Variants in ZNF346 observed in about 807,000 individuals in gnomAD.
ZNF346 encodes the protein zinc finger protein 346, also known as double-stranded RNA-binding zinc finger protein JAZ.
A neutral mutation model predicts 33.7 loss-of-function variants in ZNF346; 23 were observed. The ratio of observed to expected loss-of-function variants is 0.68; its 90% CI spans 0.49 to 0.97. The LOEUF (loss-of-function observed/expected upper bound fraction) is 0.97. Among genes scored for constraint, ZNF346 ranks in the 50% least tolerant of loss-of-function variants. The probability of loss-of-function intolerance (pLI) is 0.00; values close to 1 mark genes in which losing one functional copy is unlikely to be tolerated. For missense variants in ZNF346, 340 were observed against 371.1 expected (o/e 0.92, Z 0.69); for synonymous variants, 134 against 142.4 (o/e 0.94, Z 0.42).
chr5:177,028,707 CTTTT>C (rs56172509), intron 1 of ZNF346, among the ~76,000 whole-genome samples: 18 of 67,398 alleles, frequency 2.7e-4, no homozygotes, highest in South Asian at 1.2e-3. Context: ...AAGCCCCTTT[CTTTT>C]TTTTTTTTTT....
At chr5:177,036,961 A>G (rs990867622) in intron 1 of ZNF346, among the ~76,000 whole-genome samples, 4 of 151,050 alleles carry the variant, frequency 2.6e-5, no homozygotes, top group African/African-American at 9.7e-5. Context: ...GTTTTTCCCC[A>G]TCTGGGGAAA....
chr5:177,039,497 T>C (rs1035390305), intron 1 of ZNF346, among the ~76,000 whole-genome samples: 2 of 151,770 alleles, frequency 1.3e-5, no homozygotes, highest in African/African-American at 4.8e-5. Context: ...TTATCCAGGC[T>C]GGAGTACAGT....
chr5:177,048,071 A>C (rs1052464050), intron 4 of ZNF346, among the ~76,000 whole-genome samples: 5 of 152,104 alleles, frequency 3.3e-5, no homozygotes, highest in Non-Finnish European at 7.4e-5. Context: ...CTGAACATTT[A>C]ATCTCCCCAC....
chr5:177,022,905 G>GA lies in ZNF346; in HGVS notation c.168dup (p.Glu57ArgfsTer20). 1 of 1,483,186 alleles carries GA rather than the reference G, an allele frequency of 6.7e-7. No homozygotes were observed. Among genetic ancestry groups the GA allele is most frequent in the Non-Finnish European group, 9.0e-7 (1 of 1,116,560 alleles). The allele number at this position is 1,483,186 out of a possible 1,614,324, so 91.9% of individuals were successfully genotyped here. ...GTGTCCGGTGCCCAGCCGGTGGGTA[G>GA]AGAGGAAGGTGAGTCGGGGGCTTTG... On this transcript the variant is annotated frameshift_variant, in exon 1 of 7. Transcript: ENST00000358149. LOFTEE classifies it high-confidence loss of function.
In ZNF346 at chr5:177,050,914, C is replaced by T. The variant is rs543286468; in HGVS notation, c.681C>T (p.Asp227=). 7.1e-5 allele frequency: 114 copies of T among 1,614,128 alleles called. No homozygotes were observed. The highest frequency in any genetic ancestry group is 9.5e-5 in the Non-Finnish European group (112 of 1,180,006). The change falls in exon 5 of 7, where the codon GAC becomes GAT. Residue 227 remains aspartate, a synonymous_variant. Transcript: ENST00000358149. ...KLMARYGRLA[D]PAVTDFPAGK... ...TGGCACGCTATGGGCGGCTGGCGGA[C>T]CCTGCTGTCACTGACTTTCCAGGTG...
rs530285798 is a variant in ZNF346, at chr5:177,032,850, G to A, written c.176-8276G>A. Among the ~76,000 whole-genome samples the A allele has an allele frequency of 2.8e-3, 428 of 152,282 alleles. 6 individuals are homozygous for A. The highest frequency in any genetic ancestry group is 3.4e-3 in the Non-Finnish European group (232 of 68,028). On this transcript the variant is annotated intron_variant, in intron 1 of 6. Transcript: ENST00000358149. Reference sequence around the variant, plus strand: ...GCAGAAGGATCACTTGAGGCCAGGAGTCTGAATTCAGCCTAGGCAACATAA... The same window carrying A: ...GCAGAAGGATCACTTGAGGCCAGGAATCTGAATTCAGCCTAGGCAACATAA...
chr5:177,042,810 A>G (rs898909126), intron 3 of ZNF346, among the ~76,000 whole-genome samples: 2 of 151,968 alleles, frequency 1.3e-5, no homozygotes, highest in Non-Finnish European at 2.9e-5. Context: ...GGCTCACTGC[A>G]GCCTCAACCT....
intron 5 of ZNF346, among the ~76,000 whole-genome samples, chr5:177,061,640 A>G (rs1382057994): frequency 6.6e-6 from 1 of 152,186 alleles, no homozygotes; most frequent in African/African-American, 2.4e-5. Context: ...GATTATCATA[A>G]CCAGCGTTCT....
At chr5:177,034,035 C>A (rs943485169) in intron 1 of ZNF346, among the ~76,000 whole-genome samples, 4 of 151,818 alleles carry the variant, frequency 2.6e-5, no homozygotes, top group Non-Finnish European at 2.9e-5. Context: ...GTGTGCACCA[C>A]CATACCCAGC....
intron 5 of ZNF346, among the ~76,000 whole-genome samples, chr5:177,056,117 C>T (rs914703865): frequency 2.7e-5 from 4 of 149,762 alleles, no homozygotes; most frequent in Non-Finnish European, 4.4e-5. Context: ...TGGTGGCATG[C>T]GCTTGTAGTC....
At chr5:177,075,270 G>A (rs900940819) in intron 8 of ZNF346, among the ~76,000 whole-genome samples, 1 of 151,850 alleles carries the variant, frequency 6.6e-6, no homozygotes, top group Non-Finnish European at 1.5e-5. Context: ...GGGCATGGTG[G>A]TGGGTGCCTG....
intron 1 of ZNF346, among the ~76,000 whole-genome samples, chr5:177,030,862 TAA>T (rs944600512): frequency 1.3e-5 from 2 of 151,836 alleles, no homozygotes; most frequent in African/African-American, 4.8e-5. Context: ...TAGAATTGTA[TAA>T]ATATGTGGCA....
At chr5:177,078,218 G>A (rs1392185362) in intron 8 of ZNF346, among the ~76,000 whole-genome samples, 1 of 152,232 alleles carries the variant, frequency 6.6e-6, no homozygotes, top group Non-Finnish European at 1.5e-5. Flanking sequence ...GCAGGTATCT[G>A]GTAGAATGCC....
chr5:177,028,793 C>T (rs1239283811), intron 1 of ZNF346, among the ~76,000 whole-genome samples: 2 of 140,736 alleles, frequency 1.4e-5, no homozygotes, highest in African/African-American at 5.3e-5. Context: ...GATCTCGGCT[C>T]ACTGCAAGCT....
chr5:177,042,731 C>T (rs1779506864), intron 3 of ZNF346, among the ~76,000 whole-genome samples: 1 of 152,110 alleles, frequency 6.6e-6, no homozygotes, highest in Non-Finnish European at 1.5e-5. Flanking sequence ...CTTTCTATTT[C>T]TCTATCTGTC....
At chr5:177,042,720 C>T (rs1051366390) in intron 3 of ZNF346, among the ~76,000 whole-genome samples, 4 of 152,128 alleles carry the variant, frequency 2.6e-5, no homozygotes, top group Non-Finnish European at 4.4e-5. Context: ...TGGTTTCCCT[C>T]CTTTCTATTT....
At chr5:177,023,193 C>G in intron 1 of ZNF346, 1 of 1,536,650 alleles carries the variant, frequency 6.5e-7, no homozygotes, top group African/African-American at 1.4e-5. Context: ...ACTGTCATCC[C>G]TATACTCGTC....
At chr5:177,024,895 G>T (rs1776540852) in intron 1 of ZNF346, among the ~76,000 whole-genome samples, 2 of 152,160 alleles carry the variant, frequency 1.3e-5, no homozygotes, top group Admixed American at 1.3e-4. Context: ...ACATTTATGT[G>T]AAATCTAGGT....
At chr5:177,064,473 A>G in intron 6 of ZNF346, 39 bp from the exon 7 acceptor site, 2 of 1,541,086 alleles carry the variant, frequency 1.3e-6, no homozygotes, top group Non-Finnish European at 1.8e-6. Flanking sequence ...TACAGCTGCC[A>G]CACACTGACC....
Sources: gnomAD v4.1 joint callset for allele counts (sites outside exome capture counted in the v4.1 genomes callset) on GRCh38, gnomAD v4.1.1 for gene constraint, MANE v1.5 for transcripts, NCBI Gene and HGNC (gene_info 2026-07-23, HGNC 2026-07-21) for gene names.